The following PRELID2 variants were observed in gnomAD, a reference collection of about 807,000 sequenced individuals.
PRELID2 encodes PRELI domain containing 2.
PRELID2 carries 25 observed loss-of-function variants against 28.4 expected under a neutral mutation model. That is an observed-to-expected ratio of 0.88 (90% confidence interval 0.64 to 1.23). PRELID2 has a LOEUF of 1.23. Among genes scored for constraint, PRELID2 ranks in the 50% most tolerant of loss-of-function variants. PRELID2 has a pLI of 0.00. For missense variants in PRELID2, 201 were observed against 214.4 expected (o/e 0.94, Z 0.39); for synonymous variants, 76 against 71.6 (o/e 1.06, Z -0.31).
the PRELID2 span, among the ~76,000 whole-genome samples, chr5:145,277,377 A>G: frequency 5.3e-5 from 8 of 152,342 alleles, no homozygotes; most frequent in African/African-American, 1.4e-4. Context: ...CTCATATTTG[A>G]TGCCTCTGAA....
the PRELID2 span, among the ~76,000 whole-genome samples, chr5:145,267,290 T>C: frequency 6.6e-6 from 1 of 152,084 alleles, no homozygotes; most frequent in African/African-American, 2.4e-5. Context: ...TTAAGAGTGG[T>C]TCTGCCTTTC....
At chr5:145,409,643 G>T in the PRELID2 span, among the ~76,000 whole-genome samples, 3 of 151,770 alleles carry the variant, frequency 2.0e-5, no homozygotes, top group East Asian at 5.8e-4. Flanking sequence ...GCCAGGTGTG[G>T]TGGCTCATGC....
At chr5:145,517,200 A>T (rs1377807451) in intron 1 of PRELID2, among the ~76,000 whole-genome samples, 1 of 152,206 alleles carries the variant, frequency 6.6e-6, no homozygotes, top group African/African-American at 2.4e-5. Context: ...GTGAACAGGC[A>T]ACCTACAGAA....
At chr5:145,583,885 A>G (rs984975994) in intron 1 of PRELID2, among the ~76,000 whole-genome samples, 9 of 152,184 alleles carry the variant, frequency 5.9e-5, no homozygotes, top group African/African-American at 2.2e-4. Flanking sequence ...TATAGATTCA[A>G]TGCTATGCCC....
rs1246315266 is a variant in PRELID2, at chr5:145,817,190, C to CAA, written c.368+702_368+703dup. ...TAGGTGACAGAGCAAGACTGCATTT[C>CAA]AAAAAAAAATAAATAAATAAATAAA... On this transcript the variant is annotated intron_variant, in intron 4 of 6. Transcript: ENST00000683046. Among the ~76,000 whole-genome samples, 332 of 42,406 alleles carry CAA rather than the reference C, an allele frequency of 7.8e-3. 8 individuals carry two copies. The highest frequency in any genetic ancestry group is 0.014 in the Non-Finnish European group (242 of 16,886). The allele number at this position is 42,406 out of a possible 152,430, so 27.8% of individuals were successfully genotyped here.
At chr5:145,451,730 A>G in the PRELID2 span, among the ~76,000 whole-genome samples, 2 of 152,202 alleles carry the variant, frequency 1.3e-5, no homozygotes. Context: ...CATTCCCTTG[A>G]CAGCTGCCTG....
chr5:145,374,136 A>T, the PRELID2 span, among the ~76,000 whole-genome samples: 1 of 151,284 alleles, frequency 6.6e-6, no homozygotes. Context: ...TTTCCTTTCC[A>T]TATTTAGTGC....
the PRELID2 span, among the ~76,000 whole-genome samples, chr5:145,436,580 C>T: frequency 2.0e-5 from 3 of 152,094 alleles, no homozygotes; most frequent in Middle Eastern, 3.2e-3. Flanking sequence ...TCCTCTACCT[C>T]GCCAGCATTT....
At chr5:145,742,885 T>C (rs1026814582) in intron 1 of PRELID2, among the ~76,000 whole-genome samples, 2 of 151,884 alleles carry the variant, frequency 1.3e-5, no homozygotes, top group Admixed American at 6.6e-5. Context: ...AAATTGCCAA[T>C]ATCAGGAATA....
chr5:145,323,745 T>G, the PRELID2 span, among the ~76,000 whole-genome samples: 2 of 152,176 alleles, frequency 1.3e-5, no homozygotes, highest in African/African-American at 4.8e-5. Flanking sequence ...TTAGTTTGGT[T>G]AGGATAATGG....
intron 1 of PRELID2, among the ~76,000 whole-genome samples, chr5:145,747,832 T>A (rs1757032148): frequency 6.6e-6 from 1 of 152,216 alleles, no homozygotes; most frequent in Non-Finnish European, 1.5e-5. Flanking sequence ...GCTTCCTCCC[T>A]GGGATGCAAG....
At chr5:145,543,872 G>T (rs1440033849) in intron 1 of PRELID2, among the ~76,000 whole-genome samples, 1 of 151,944 alleles carries the variant, frequency 6.6e-6, no homozygotes, top group Non-Finnish European at 1.5e-5. Flanking sequence ...TTGTCATTGG[G>T]TTTTTTTATG....
chr5:145,327,865 T>C, the PRELID2 span, among the ~76,000 whole-genome samples: 1 of 152,128 alleles, frequency 6.6e-6, no homozygotes, highest in Non-Finnish European at 1.5e-5. Context: ...AAACATGCCA[T>C]GGTGGTTTGC....
At chr5:145,556,261 G>A (rs1372601022) in intron 1 of PRELID2, among the ~76,000 whole-genome samples, 1 of 150,712 alleles carries the variant, frequency 6.6e-6, no homozygotes, top group Non-Finnish European at 1.5e-5. Context: ...GAGATTATAA[G>A]AGCCTTATGT....
At chr5:145,303,299 C>T in the PRELID2 span, among the ~76,000 whole-genome samples, 1 of 152,168 alleles carries the variant, frequency 6.6e-6, no homozygotes, top group African/African-American at 2.4e-5. Context: ...GTCAATATGG[C>T]TACCTTAAGT....
rs1401730278 is a variant in PRELID2, at chr5:145,504,129, A to G, written n.71-30814T>C. Among the ~76,000 whole-genome samples the G allele has an allele frequency of 3.9e-5, 6 of 152,162 alleles. No homozygotes were observed. In the East Asian group the frequency reaches 7.7e-4, roughly 20 times the overall value. On this transcript the variant is annotated intron_variant and non_coding_transcript_variant, in intron 1 of 2. Transcript: ENST00000510259. ...AGTGCTAGACTATAATGCCACTCAG[A>G]CTGGTGAGCAACCAAGAATCTCTGA...
At chr5:145,737,843 A>T (rs1450994310) in intron 1 of PRELID2, among the ~76,000 whole-genome samples, 1 of 152,162 alleles carries the variant, frequency 6.6e-6, no homozygotes, top group East Asian at 1.9e-4. Flanking sequence ...AGGGAGTTGG[A>T]AGTGTCATCC....
chr5:145,411,266 G>T, the PRELID2 span, among the ~76,000 whole-genome samples: 1 of 152,104 alleles, frequency 6.6e-6, no homozygotes, highest in African/African-American at 2.4e-5. Context: ...CAGGGAAACT[G>T]CCTCATAAAG....
intron 1 of PRELID2, among the ~76,000 whole-genome samples, chr5:145,585,477 ATAAT>A (rs1238877765): frequency 6.6e-6 from 1 of 152,176 alleles, no homozygotes; most frequent in Non-Finnish European, 1.5e-5. Context: ...AATGATAACA[ATAAT>A]TAATAGTTAA....
Sources: gnomAD v4.1 joint callset for allele counts (sites outside exome capture counted in the v4.1 genomes callset) on GRCh38, gnomAD v4.1.1 for gene constraint, MANE v1.5 for transcripts, NCBI Gene and HGNC (gene_info 2026-07-23, HGNC 2026-07-21) for gene names.